Variants in LIMD1 observed in about 807,000 individuals in gnomAD.
The protein encoded by LIMD1 is LIM domain containing 1, also known as LIM domain-containing protein 1.
In LIMD1, 23 loss-of-function variants were observed where a neutral mutation model predicts 58.4. The observed-to-expected ratio is 0.39, with a 90% confidence interval of 0.28 to 0.56. The LOEUF is 0.56. LIMD1 is among the 20% of genes least tolerant of loss of function. The pLI, the probability that LIMD1 is intolerant of heterozygous loss-of-function variation, is 0.57. For synonymous variants in LIMD1, 334 were observed against 345.5 expected, an observed-to-expected ratio of 0.97 and a Z score of 0.37; for missense variants, 838 against 855.5, an observed-to-expected ratio of 0.98 and a Z score of 0.25.
intron 2 of LIMD1, among the ~76,000 whole-genome samples, chr3:45,655,572 G>A (rs546918823): frequency 6.6e-6 from 1 of 152,272 alleles, no homozygotes; most frequent in Non-Finnish European, 1.5e-5. Context: ...TGTGGTCCCT[G>A]GACTAGCACC....
intron 4 of LIMD1, among the ~76,000 whole-genome samples, chr3:45,672,324 C>A (rs1697595404): frequency 6.6e-6 from 1 of 152,178 alleles, no homozygotes; most frequent in African/African-American, 2.4e-5. Context: ...TTTCCCACTT[C>A]TTCGTGGTGG....
intron 2 of LIMD1, among the ~76,000 whole-genome samples, chr3:45,646,263 C>T (rs1315402942): frequency 6.6e-6 from 1 of 152,226 alleles, no homozygotes; most frequent in African/African-American, 2.4e-5. Flanking sequence ...ATATCCATGG[C>T]CTTCACCCCT....
At position 45,595,419 on chromosome 3, in the gene LIMD1, T is replaced by C. The variant is rs1701335209; in HGVS notation, c.540T>C (p.Tyr180=). 2 of 1,614,080 alleles carry C rather than the reference T, an allele frequency of 1.2e-6. No homozygotes were observed. Residue 180 remains tyrosine, a synonymous_variant, in exon 1 of 8, where the codon TAT becomes TAC. Transcript: ENST00000273317. The stretch of plus-strand genomic sequence containing the variant: ...CCTGCCTCACTCATGGAGACTATTA[T>C]GACAACCTCTCCTTGGCAAGCCCAA... ...DPSCLTHGDY[Y]DNLSLASPKW...
At chr3:45,644,157 G>A (rs62242183) in intron 2 of LIMD1, among the ~76,000 whole-genome samples, 17,608 of 152,180 alleles carry the variant, frequency 0.12, 1,391 homozygotes, top group Middle Eastern at 0.21. Flanking sequence ...AAAACAATTA[G>A]GACCAAGCCT....
chr3:45,679,616 G>T lies in LIMD1; in HGVS notation c.*2557G>T, dbSNP rs1475715930. The T allele has an allele frequency of 6.6e-6, 1 of 152,132 alleles. No homozygotes were observed. The highest frequency in any genetic ancestry group is 2.4e-5 in the African/African-American group (1 of 41,424). 9.4% of individuals were successfully genotyped at this position (152,132 alleles called of 1,614,324 possible). A position where few individuals can be genotyped will look rare whatever the true frequency, so the allele number is the denominator to read the frequency against. On this transcript the variant is annotated 3_prime_UTR_variant, in exon 8 of 8. Coordinates refer to ENST00000273317, the MANE Select transcript of LIMD1 (RefSeq NM_014240.3). ...TTGAGGTAAAACAAGGAGGATTGTG[G>T]CCGGATTTCAGATCCCAAAGCCAGC... is the stretch of plus-strand genomic sequence containing the variant.
At chr3:45,659,106 C>T (rs1426673323) in intron 2 of LIMD1, among the ~76,000 whole-genome samples, 1 of 151,836 alleles carries the variant, frequency 6.6e-6, no homozygotes, top group Admixed American at 6.6e-5. Flanking sequence ...TCTCTAATAC[C>T]ATCTGTCACT....
chr3:45,608,134 C>T (rs150904877), intron 1 of LIMD1, among the ~76,000 whole-genome samples: 3 of 152,370 alleles, frequency 2.0e-5, no homozygotes, highest in Non-Finnish European at 2.9e-5. Flanking sequence ...GCAAGGATTG[C>T]ATTGCAGGCC....
At chr3:45,661,922 T>C (rs991880560) in intron 2 of LIMD1, among the ~76,000 whole-genome samples, 2 of 152,154 alleles carry the variant, frequency 1.3e-5, no homozygotes, top group Non-Finnish European at 1.5e-5. Context: ...TACACCTAGC[T>C]AACTTTTTTA....
chr3:45,672,850 A>G lies in LIMD1; in HGVS notation c.1772+30A>G, dbSNP rs531921798. Reference sequence around the variant, plus strand: ...GAAGGGATGGGAGCAGACAGGACCCATTCGTGTAGGCCAAGCTGATCTCAG... The same window carrying G: ...GAAGGGATGGGAGCAGACAGGACCCGTTCGTGTAGGCCAAGCTGATCTCAG... On this transcript the variant is annotated intron_variant, in intron 5 of 7. Transcript: ENST00000273317. The G allele has an allele frequency of 2.5e-6, 4 of 1,611,928 alleles. No homozygotes were observed. In the South Asian group the frequency reaches 4.4e-5, roughly 18 times the overall value.
chr3:45,665,487 G>A (rs114835314), intron 2 of LIMD1, among the ~76,000 whole-genome samples, 163 bp from the exon 3 acceptor site: 3,680 of 152,266 alleles, frequency 0.024, 59 homozygotes, highest in Non-Finnish European at 0.041. Context: ...CCTGCCTCTC[G>A]CCGAGGGCCA....
At position 45,678,733 on chromosome 3, in the gene LIMD1, T is replaced by C. The variant is rs1697702823; in HGVS notation, c.*1674T>C. On this transcript the variant is annotated 3_prime_UTR_variant, in exon 8 of 8. Transcript: ENST00000273317. ...AGTGGAGCCCCTAGCACGTGTGAAC[T>C]CAGGCTTTTCATTGGGCCCGGCTCC... is the stretch of plus-strand genomic sequence containing the variant. 1 of 152,240 alleles carries C rather than the reference T, an allele frequency of 6.6e-6. No individual in the cohort carries two copies. The highest frequency in any genetic ancestry group is 2.4e-5 in the African/African-American group (1 of 41,456). The allele number at this position is 152,240 out of a possible 1,614,324, so 9.4% of individuals were successfully genotyped here. A position where few individuals can be genotyped will look rare whatever the true frequency, so the allele number is the denominator to read the frequency against.
intron 2 of LIMD1, among the ~76,000 whole-genome samples, chr3:45,644,580 A>G (rs949009728): frequency 1.3e-5 from 2 of 151,930 alleles, no homozygotes; most frequent in African/African-American, 2.4e-5. Context: ...TATTATTATT[A>G]CTCTCAACTT....
At chr3:45,659,848 C>T (rs1352995121) in intron 2 of LIMD1, among the ~76,000 whole-genome samples, 1 of 152,166 alleles carries the variant, frequency 6.6e-6, no homozygotes, top group Admixed American at 6.5e-5. Context: ...TTTAAAGTTT[C>T]CCTTCCAGGG....
chr3:45,599,363 A>G (rs1050705970), intron 1 of LIMD1, among the ~76,000 whole-genome samples: 5 of 152,106 alleles, frequency 3.3e-5, no homozygotes, highest in African/African-American at 1.2e-4. Flanking sequence ...GCAACAACCA[A>G]TGTGCATTCT....
Position 45,681,612 on chromosome 3 carries a change from C to T in LIMD1, c.*4553C>T, listed in dbSNP as rs1441061672. 6.6e-6 allele frequency: 1 copy of T among 152,248 alleles called. No homozygotes were observed. Among genetic ancestry groups the T allele is most frequent in the Non-Finnish European group, 1.5e-5 (1 of 68,052 alleles). The allele number at this position is 152,248 out of a possible 1,614,324, so 9.4% of individuals were successfully genotyped here. A position where few individuals can be genotyped will look rare whatever the true frequency, so the allele number is the denominator to read the frequency against. On this transcript the variant is annotated 3_prime_UTR_variant, in exon 8 of 8. Transcript: ENST00000273317. ...TGGGCTGCATTACAAGAGGAACCCCCATGCTTAGGGGACCCTGGTATTTGA... is the reference window on the plus strand; with the variant it reads ...TGGGCTGCATTACAAGAGGAACCCCTATGCTTAGGGGACCCTGGTATTTGA...
At chr3:45,667,605 GTA>G (rs1697536294) in intron 3 of LIMD1, among the ~76,000 whole-genome samples, 1 of 150,416 alleles carries the variant, frequency 6.6e-6, no homozygotes, top group Non-Finnish European at 1.5e-5. Context: ...CTGTGTGTGT[GTA>G]TGTGTTTAGG....
In LIMD1 at chr3:45,673,436, C is replaced by T. The variant is rs750136406; in HGVS notation, c.1773-18C>T. The T allele has an allele frequency of 1.2e-6, 2 of 1,612,254 alleles. No individual in the cohort carries two copies. The highest frequency in any genetic ancestry group is 1.7e-6 in the Non-Finnish European group (2 of 1,178,472). ...CTCCCAGAAGCAACATTTATTGCTG[C>T]TTTGTTTCTCCCCACAGGGTGCTGG... On this transcript the variant is annotated intron_variant, in intron 5 of 7. Coordinates refer to ENST00000273317, the MANE Select transcript of LIMD1 (RefSeq NM_014240.3).
chr3:45,625,811 TAGAACTGTA>T (rs1267642874), intron 1 of LIMD1, among the ~76,000 whole-genome samples: 5 of 152,190 alleles, frequency 3.3e-5, no homozygotes, highest in African/African-American at 1.2e-4. Context: ...TCCCAGCCTC[TAGAACTGTA>T]AGAAATAAAT....
chr3:45,609,350 A>G (rs1029581126), intron 1 of LIMD1, among the ~76,000 whole-genome samples: 1 of 152,258 alleles, frequency 6.6e-6, no homozygotes. Flanking sequence ...CGGTCAGCAT[A>G]TAACCTGGGG....
Sources: allele counts gnomAD v4.1 joint callset (sites outside exome capture counted in the v4.1 genomes callset), GRCh38; gene constraint gnomAD v4.1.1; transcripts MANE v1.5; gene names NCBI Gene and HGNC (gene_info 2026-07-23, HGNC 2026-07-21).